FOLR2: variants seen among roughly 807,000 people sequenced by gnomAD.
FOLR2 encodes folate receptor 2 (fetal).
Under a neutral mutation model 20.4 loss-of-function variants are expected in FOLR2, and 14 were observed. The ratio of observed to expected loss-of-function variants is 0.68; its 90% CI spans 0.45 to 1.07. The LOEUF is 1.07. Ranked by LOEUF, FOLR2 falls within the 50% of genes least tolerant of loss-of-function variation. FOLR2 has a pLI of 0.00. For missense variants in FOLR2, 269 were observed against 322.6 expected, an observed-to-expected ratio of 0.83 and a Z score of 1.27; for synonymous variants, 114 against 114.3, an observed-to-expected ratio of 1.00 and a Z score of 0.02.
In FOLR2 at chr11:72,221,069, T is replaced by TGGGGGGCCCCCC; in HGVS notation, c.339+11_339+12insGGGGGGCCCCCC. ...CCCTGGATCCAGCAGGTAGGGTGTC[T>TGGGGGGCCCCCC]CCCCCCCACCCACCCCAGCAGACTG... On this transcript the variant is annotated intron_variant, in intron 3 of 4. Coordinates refer to ENST00000298223, the MANE Select transcript of FOLR2 (RefSeq NM_000803.5). 2 of 717,288 alleles carry TGGGGGGCCCCCC rather than the reference T, an allele frequency of 2.8e-6. No homozygotes were observed. The highest frequency in any genetic ancestry group is 4.4e-6 in the Non-Finnish European group (2 of 458,074). The allele number at this position is 717,288 out of a possible 1,614,324, so 44.4% of individuals were successfully genotyped here.
At chr11:72,217,047 C>T in intron 1 of FOLR2, 122 bp downstream of exon 1, 1 of 1,098,476 alleles carries the variant, frequency 9.1e-7, no homozygotes, top group South Asian at 1.5e-5. Context: ...TTTTTTGAGA[C>T]AGAGTCTCGC....
Position 72,221,067 on chromosome 11 carries a change from T to TCGGGGGGGGCGGCGCCCCCCCCCCC in FOLR2, c.339+10_339+11insGGGGGGGGCGGCGCCCCCCCCCCCC. 6.4e-7 allele frequency: 1 copy of TCGGGGGGGGCGGCGCCCCCCCCCCC among 1,570,118 alleles called. No homozygotes were observed. The highest frequency in any genetic ancestry group is 8.7e-7 in the Non-Finnish European group (1 of 1,154,914). On this transcript the variant is annotated intron_variant, in intron 3 of 4. Coordinates refer to ENST00000298223, the MANE Select transcript of FOLR2 (RefSeq NM_000803.5). ...GGCCCTGGATCCAGCAGGTAGGGTG[T>TCGGGGGGGGCGGCGCCCCCCCCCCC]CTCCCCCCCACCCACCCCAGCAGAC...
intron 1 of FOLR2, chr11:72,217,393 G>T (rs1031089336): frequency 7.8e-7 from 1 of 1,288,728 alleles, no homozygotes; most frequent in African/African-American, 1.5e-5. Flanking sequence ...AATTGGAAGA[G>T]GGAAGACTTG....
rs1948432519 is a variant in FOLR2, at chr11:72,218,631, C to A, written c.47C>A (p.Ala16Asp). Residue 16 changes from alanine to aspartate, a missense_variant, in exon 2 of 5, where the codon GCC (alanine) becomes GAC (aspartate). By Grantham distance (126) the Ala-to-Asp change is moderately radical (BLOSUM62 -2). Transcript: ENST00000298223. ...CTTCTGCTGCTTCTGGTCTGTGTAGCCACCATGTGCAGTGCCCAGGACAGG... is the reference window on the plus strand; with the variant it reads ...CTTCTGCTGCTTCTGGTCTGTGTAGACACCATGTGCAGTGCCCAGGACAGG... ...MPLLLLLVCV[A>D]TMCSAQDRTD... 1 of 1,613,370 alleles carries A rather than the reference C, an allele frequency of 6.2e-7. No individual in the cohort carries two copies. The highest frequency in any genetic ancestry group is 8.5e-7 in the Non-Finnish European group (1 of 1,179,648).
intron 1 of FOLR2, chr11:72,217,475 C>A: frequency 1.0e-6 from 1 of 974,828 alleles, no homozygotes; most frequent in Non-Finnish European, 1.4e-6. Context: ...GAAGCAGTAT[C>A]CATTATCCAC....
chr11:72,221,792 G>T lies in FOLR2; in HGVS notation c.*30G>T. ...AGTCCTCCCAGACTACCTGCCCTCAGCTTGGATAACCAGGCTGGGCTCAGC... is the reference window on the plus strand; with the variant it reads ...AGTCCTCCCAGACTACCTGCCCTCATCTTGGATAACCAGGCTGGGCTCAGC... On this transcript the variant is annotated 3_prime_UTR_variant, in exon 5 of 5. Coordinates refer to ENST00000298223, the MANE Select transcript of FOLR2 (RefSeq NM_000803.5). 2 of 1,599,826 alleles carry T rather than the reference G, an allele frequency of 1.3e-6. No homozygotes were observed. The highest frequency in any genetic ancestry group is 8.5e-7 in the Non-Finnish European group (1 of 1,170,828).
At position 72,221,568 on chromosome 11, in the gene FOLR2, A is replaced by G. The variant is rs764975121; in HGVS notation, c.574A>G (p.Lys192Glu). 2 of 1,614,122 alleles carry G rather than the reference A, an allele frequency of 1.2e-6. No homozygotes were observed. Among genetic ancestry groups the G allele is most frequent in the South Asian group, 1.1e-5 (1 of 91,084 alleles). ...TGAAGGCCTCTGGAGTCACTCATACAAGGTCAGCAACTACAGCCGAGGGAG... is the reference window on the plus strand; with the variant it reads ...TGAAGGCCTCTGGAGTCACTCATACGAGGTCAGCAACTACAGCCGAGGGAG... The part of the protein sequence containing the change: ...LCEGLWSHSY[K>E]VSNYSRGSGR... Residue 192 changes from lysine to glutamate, a missense_variant, in exon 5 of 5, where the codon AAG (lysine) becomes GAG (glutamate). Physicochemically the swap from Lys to Glu is moderately conservative, Grantham distance 56. Transcript: ENST00000298223.
rs1218857538 is a variant in FOLR2, at chr11:72,217,220, T to A, written c.-25+295T>A. 4.4e-4 allele frequency: 226 copies of A among 513,934 alleles called. 3 individuals carry two copies. The highest frequency in any genetic ancestry group is 3.8e-3 in the South Asian group (219 of 56,986). The allele number at this position is 513,934 out of a possible 1,614,324, so 31.8% of individuals were successfully genotyped here. A position where few individuals can be genotyped will look rare whatever the true frequency, so the allele number is the denominator to read the frequency against. ...TTGTATTTTTAGTAGAGACGGGGTT[T>A]CATCATGTTGGTCAGGCTGGTCTCG... On this transcript the variant is annotated intron_variant, in intron 1 of 4. Coordinates refer to ENST00000298223, the MANE Select transcript of FOLR2 (RefSeq NM_000803.5).
intron 2 of FOLR2, among the ~76,000 whole-genome samples, chr11:72,219,603 A>G (rs1199467069): frequency 6.6e-6 from 1 of 152,198 alleles, no homozygotes; most frequent in Non-Finnish European, 1.5e-5. Context: ...ACAAATGAAG[A>G]TTGATACAGG....
rs1273290945 is a variant in FOLR2, at chr11:72,221,268, C to T, written c.432C>T (p.His144=). 1.2e-6 allele frequency: 2 copies of T among 1,613,850 alleles called. No individual in the cohort carries two copies. The highest frequency in any genetic ancestry group is 1.3e-5 in the African/African-American group (1 of 74,924). The change falls in exon 4 of 5, where the codon CAC becomes CAT. Residue 144 remains histidine (H), a synonymous_variant. Coordinates refer to ENST00000298223, the MANE Select transcript of FOLR2 (RefSeq NM_000803.5). The stretch of plus-strand genomic sequence containing the variant: ...GGTGGGAGGATTGTCACACCTCCCA[C>T]ACGTGCAAGAGCAACTGGCACAGAG... ...QRWWEDCHTS[H]TCKSNWHRGW... is the part of the protein sequence containing the mutation.
chr11:72,218,586 TG>T lies in FOLR2; in HGVS notation c.4del (p.Val2?), dbSNP rs1948431557. 6.2e-7 allele frequency: 1 copy of T among 1,613,102 alleles called. No individual in the cohort carries two copies. On this transcript the variant is annotated frameshift_variant and start_lost, in exon 2 of 5. Transcript: ENST00000298223. LOFTEE classifies it high-confidence loss of function. [M>X]VWKWMPLLLL... ...CTCCGCCTGCAGGGACAGAAAGACA[TG>T]GTCTGGAAATGGATGCCACTTCTGC...
chr11:72,221,433 G>C, intron 4 of FOLR2, 37 bp from the exon 5 acceptor site: 1 of 1,603,994 alleles, frequency 6.2e-7, no homozygotes, highest in South Asian at 1.1e-5. Flanking sequence ...TGGGCCCAGG[G>C]GCTGAAAGTC....
chr11:72,221,233 T>G lies in FOLR2; in HGVS notation c.397T>G (p.Cys133Gly). Residue 133 changes from cysteine (C) to glycine (G), a missense_variant, in exon 4 of 5, where the codon TGT (cysteine) becomes GGT (glycine). Physicochemically the swap from Cys to Gly is radical, Grantham distance 159. Coordinates refer to ENST00000298223, the MANE Select transcript of FOLR2 (RefSeq NM_000803.5). ...FLDVPLCKED[C>G]QRWWEDCHTS... ...GGATGTGCCCTTATGCAAAGAGGAC[T>G]GTCAGCGCTGGTGGGAGGATTGTCA... 1 of 1,613,796 alleles carries G rather than the reference T, an allele frequency of 6.2e-7. No homozygotes were observed. Among genetic ancestry groups the G allele is most frequent in the Non-Finnish European group, 8.5e-7 (1 of 1,179,814 alleles).
intron 1 of FOLR2, among the ~76,000 whole-genome samples, chr11:72,218,342 C>T (rs1379790273): frequency 1.3e-5 from 2 of 152,240 alleles, no homozygotes; most frequent in Non-Finnish European, 2.9e-5. Context: ...AGGGCTCACT[C>T]ACTAACGCCA....
chr11:72,217,211 G>C (rs939099642), intron 1 of FOLR2: 4 of 508,058 alleles, frequency 7.9e-6, no homozygotes, highest in Non-Finnish European at 1.4e-5. Context: ...TTTTAGTAGA[G>C]ACGGGGTTTC....
intron 1 of FOLR2, among the ~76,000 whole-genome samples, 194 bp downstream of exon 1, chr11:72,217,119 G>A (rs964014895): frequency 6.6e-6 from 1 of 152,156 alleles, no homozygotes; most frequent in Admixed American, 6.5e-5. Context: ...CTGCCTCCTG[G>A]GTTCAAGTGA....
chr11:72,216,976 A>G, intron 1 of FOLR2, 51 bp downstream of exon 1: 1 of 1,580,666 alleles, frequency 6.3e-7, no homozygotes, highest in Non-Finnish European at 8.6e-7. Flanking sequence ...GGAGACTTGG[A>G]GAGTTTGTGC....
rs1948502137 is a variant in FOLR2 at position 72,221,840 on chromosome 11, C to T, written c.*78C>T. On this transcript the variant is annotated 3_prime_UTR_variant, in exon 5 of 5. Transcript: ENST00000298223. ...AGCTCAGCTCCCACAAATGACAGCC[C>T]CTTAAGCATGCTTCTATTAGTCACC... 3 of 1,389,658 alleles carry T rather than the reference C, an allele frequency of 2.2e-6. No homozygotes were observed. The highest frequency in any genetic ancestry group is 3.0e-6 in the Non-Finnish European group (3 of 1,013,884). 86.1% of individuals were successfully genotyped at this position (1,389,658 alleles called of 1,614,324 possible). A position where few individuals can be genotyped will look rare whatever the true frequency, so the allele number is the denominator to read the frequency against.
In FOLR2 at chr11:72,221,067, T is replaced by TCGGGGGGGGGGGGGGGGGGGCCCCCCCCC; in HGVS notation, c.339+10_339+11insGGGGGGGGGGGGGGGGGGGCCCCCCCCCC. ...GGCCCTGGATCCAGCAGGTAGGGTGTCTCCCCCCCACCCACCCCAGCAGAC... is the reference window on the plus strand; with the variant it reads ...GGCCCTGGATCCAGCAGGTAGGGTGTCGGGGGGGGGGGGGGGGGGGCCCCCCCCCCTCCCCCCCACCCACCCCAGCAGAC... On this transcript the variant is annotated intron_variant, in intron 3 of 4. Coordinates refer to ENST00000298223, the MANE Select transcript of FOLR2 (RefSeq NM_000803.5). The TCGGGGGGGGGGGGGGGGGGGCCCCCCCCC allele has an allele frequency of 6.4e-7, 1 of 1,570,118 alleles. No homozygotes were observed. Among genetic ancestry groups the TCGGGGGGGGGGGGGGGGGGGCCCCCCCCC allele is most frequent in the Non-Finnish European group, 8.7e-7 (1 of 1,154,914 alleles).
Sources: gnomAD v4.1 joint callset for allele counts (sites outside exome capture counted in the v4.1 genomes callset) on GRCh38, gnomAD v4.1.1 for gene constraint, MANE v1.5 for transcripts, NCBI Gene and HGNC (gene_info 2026-07-23, HGNC 2026-07-21) for gene names.